The following FRMPD3 variants were observed in gnomAD, a reference collection of about 807,000 sequenced individuals.
FRMPD3 encodes FERM and PDZ domain-containing protein 3.
A neutral mutation model predicts 97.9 loss-of-function variants in FRMPD3; 42 were observed. The observed-to-expected ratio is 0.43, with a 90% CI of 0.34 to 0.55. The LOEUF is 0.55. Ranked by LOEUF, FRMPD3 falls within the 20% of genes least tolerant of loss-of-function variation. The pLI, the probability that FRMPD3 is intolerant of heterozygous loss-of-function variation, is 0.03. For missense variants in FRMPD3, 1,303 were observed against 1,457.7 expected (o/e 0.89, Z 1.73); for synonymous variants, 577 against 581.1 (o/e 0.99, Z 0.10).
At chrX:107,462,935 T>C (rs772710257) in intron 1 of FRMPD3, among the ~76,000 whole-genome samples, 61 of 111,735 alleles carry the variant, frequency 5.5e-4, no homozygotes, top group Non-Finnish European at 9.8e-4. Flanking sequence ...ATTTCAGTTA[T>C]CTGCTGTCTG....
chrX:107,603,531 T>A lies in FRMPD3; in HGVS notation c.*158T>A, dbSNP rs1003763611. ...GAGTGGAAACTCTCTTGATTGAGGC[T>A]CTCTCTTAAGGGCTGCAGGCTTAGC... On this transcript the variant is annotated 3_prime_UTR_variant, in exon 15 of 15. Transcript: ENST00000683843. 1.9e-6 allele frequency: 2 copies of A among 1,043,536 alleles called. No homozygotes were observed. The highest frequency in any genetic ancestry group is 3.8e-5 in the African/African-American group (2 of 52,188). The allele number at this position is 1,043,536 out of a possible 1,213,427, so 86.0% of individuals were successfully genotyped here. A position where few individuals can be genotyped will look rare whatever the true frequency, so the allele number is the denominator to read the frequency against.
At chrX:107,534,162 G>A (rs1225455343) in intron 4 of FRMPD3, among the ~76,000 whole-genome samples, 3 of 111,718 alleles carry the variant, frequency 2.7e-5, no homozygotes, top group African/African-American at 9.8e-5. Context: ...TCGTTGCCAG[G>A]ACTACTTATT....
At chrX:107,539,147 G>A (rs1357514200) in intron 4 of FRMPD3, among the ~76,000 whole-genome samples, 8 of 112,149 alleles carry the variant, frequency 7.1e-5, no homozygotes, top group Non-Finnish European at 1.5e-4. Context: ...CCCTGGTATT[G>A]GTCTTTTGAA....
At chrX:107,460,359 C>T (rs1415323836) in intron 1 of FRMPD3, among the ~76,000 whole-genome samples, 1 of 110,389 alleles carries the variant, frequency 9.1e-6, no homozygotes, top group Non-Finnish European at 1.9e-5. Flanking sequence ...TAACCTAGAC[C>T]CAAGCAAGTT....
Position 107,509,504 on chromosome X carries a change from A to G in FRMPD3, c.-7-17078A>G, listed in dbSNP as rs756105993. 3.6e-5 allele frequency among the ~76,000 whole-genome samples: 4 copies of G among 111,852 alleles called. No homozygotes were observed. The East Asian group carries it at 1.1e-3, about 32-fold the overall frequency. On this transcript the variant is annotated intron_variant, in intron 1 of 14. Coordinates refer to ENST00000683843, the MANE Select transcript of FRMPD3 (RefSeq NM_001388459.1). Reference sequence around the variant, plus strand: ...GACATGAAAGGAGTCAGTGGGTAGCATTACTCCTTGAATTAAACATTCCCT... The same window carrying G: ...GACATGAAAGGAGTCAGTGGGTAGCGTTACTCCTTGAATTAAACATTCCCT...
chrX:107,576,851 G>A (rs971333899), intron 13 of FRMPD3, among the ~76,000 whole-genome samples: 1 of 111,318 alleles, frequency 9.0e-6, no homozygotes, highest in Non-Finnish European at 1.9e-5. Context: ...ATAAAGGTCT[G>A]ATGAAAAGGA....
chrX:107,526,746 C>G lies in FRMPD3; in HGVS notation c.148+10C>G. 8.5e-7 allele frequency: 1 copy of G among 1,180,762 alleles called. No individual in the cohort carries two copies. The highest frequency in any genetic ancestry group is 1.1e-6 in the Non-Finnish European group (1 of 878,530). Reference sequence around the variant, plus strand: ...CGATCTGTGAGGCCAGGTAGGTGTCCCTCAGAGTGTTCCCCTAGCCCTGAC... The same window carrying G: ...CGATCTGTGAGGCCAGGTAGGTGTCGCTCAGAGTGTTCCCCTAGCCCTGAC... On this transcript the variant is annotated intron_variant, in intron 2 of 14. Coordinates refer to ENST00000683843, the MANE Select transcript of FRMPD3 (RefSeq NM_001388459.1).
chrX:107,471,662 G>A (rs1382009758), intron 1 of FRMPD3, among the ~76,000 whole-genome samples: 2 of 111,941 alleles, frequency 1.8e-5, no homozygotes, highest in Non-Finnish European at 3.8e-5. Context: ...AGTATTCCGT[G>A]GTGTATGTGT....
chrX:107,467,842 C>T (rs976655864), intron 1 of FRMPD3, among the ~76,000 whole-genome samples: 14 of 111,051 alleles, frequency 1.3e-4, no homozygotes, highest in Non-Finnish European at 2.3e-4. Context: ...GTTTAGGTAC[C>T]GAATGCCAGC....
At chrX:107,481,530 G>A (rs1327647497) in intron 1 of FRMPD3, among the ~76,000 whole-genome samples, 2 of 111,991 alleles carry the variant, frequency 1.8e-5, no homozygotes, top group Non-Finnish European at 3.8e-5. Flanking sequence ...CATTTGCCTG[G>A]TGTCTACATT....
At chrX:107,587,738 C>T (rs1185798490) in intron 13 of FRMPD3, among the ~76,000 whole-genome samples, 1 of 111,663 alleles carries the variant, frequency 9.0e-6, no homozygotes, top group Non-Finnish European at 1.9e-5. Flanking sequence ...TGAAATTCTG[C>T]GTTGAAAATT....
At chrX:107,546,787 T>G (rs1448727389) in intron 5 of FRMPD3, among the ~76,000 whole-genome samples, 1 of 112,216 alleles carries the variant, frequency 8.9e-6, no homozygotes, top group African/African-American at 3.2e-5. Context: ...CTGGAGGCCC[T>G]TGGCATTTAC....
Position 107,541,545 on chromosome X carries a change from AATTTC to A in FRMPD3, c.298-4186_298-4182del, listed in dbSNP as rs981550546. Among the ~76,000 whole-genome samples the A allele has an allele frequency of 3.1e-4, 35 of 112,552 alleles. 1 individual carries two copies. The highest frequency in any genetic ancestry group is 3.2e-4 in the Non-Finnish European group (17 of 53,301). On this transcript the variant is annotated intron_variant, in intron 4 of 14. Coordinates refer to ENST00000683843, the MANE Select transcript of FRMPD3 (RefSeq NM_001388459.1). Reference sequence around the variant, plus strand: ...GATTATAATCCCTGAAAATATTGGCAATTTCATTTCCTCCTTTGTGGTTTGTGCCT... The same window carrying A: ...GATTATAATCCCTGAAAATATTGGCAATTTCCTCCTTTGTGGTTTGTGCCT...
chrX:107,591,718 G>T, intron 13 of FRMPD3, among the ~76,000 whole-genome samples: 1 of 110,148 alleles, frequency 9.1e-6, no homozygotes, highest in Admixed American at 9.7e-5. Context: ...CACTTGCTTT[G>T]GGTTGTTTGC....
At chrX:107,460,847 G>A (rs1192844389) in intron 1 of FRMPD3, among the ~76,000 whole-genome samples, 1 of 111,585 alleles carries the variant, frequency 9.0e-6, no homozygotes, top group Admixed American at 9.5e-5. Context: ...CCACCACCGT[G>A]AAATTGCAGA....
intron 2 of FRMPD3, 88 bp downstream of exon 2, chrX:107,526,824 TCTAA>T (rs1922715563): frequency 2.1e-6 from 2 of 934,468 alleles, no homozygotes; most frequent in Admixed American, 6.2e-5. Flanking sequence ...TTCCAAGCAT[TCTAA>T]CTGTCTTGCT....
intron 1 of FRMPD3, among the ~76,000 whole-genome samples, chrX:107,504,241 C>CAA (rs1921979424): frequency 8.9e-6 from 1 of 112,905 alleles, no homozygotes; most frequent in Non-Finnish European, 1.9e-5. Flanking sequence ...TGGCTCAAGG[C>CAA]CGGGTGCTTT....
intron 2 of FRMPD3, among the ~76,000 whole-genome samples, chrX:107,528,193 C>T (rs371227859): frequency 2.8e-3 from 309 of 111,886 alleles, no homozygotes; most frequent in African/African-American, 9.4e-3. Context: ...AAAGCTGATC[C>T]GTAGTGCTGC....
At chrX:107,453,028 C>G (rs761265) in intron 1 of FRMPD3, among the ~76,000 whole-genome samples, 8 of 110,317 alleles carry the variant, frequency 7.3e-5, no homozygotes, top group Non-Finnish European at 1.3e-4. Context: ...TGCAGGACAA[C>G]GGAAGCACTC....
Sources: allele counts gnomAD v4.1 joint callset (sites outside exome capture counted in the v4.1 genomes callset), GRCh38; gene constraint gnomAD v4.1.1; transcripts MANE v1.5; gene names NCBI Gene and HGNC (gene_info 2026-07-23, HGNC 2026-07-21).